The following COL23A1 variants were observed in gnomAD, a reference collection of about 807,000 sequenced individuals.
The protein encoded by COL23A1 is collagen type XXIII alpha 1 chain, also known as collagen alpha-1(XXIII) chain.
COL23A1 carries 97 observed loss-of-function variants against 99.3 expected under a neutral mutation model. That is an observed-to-expected ratio of 0.98 (90% CI 0.83 to 1.16). The LOEUF is 1.16. COL23A1 is among the 50% of genes most tolerant of loss of function. COL23A1 has a pLI of 0.00. For synonymous variants in COL23A1, 320 were observed against 308.2 expected (o/e 1.04, Z -0.40); for missense variants, 762 against 757.4 (o/e 1.01, Z -0.07).
In COL23A1 at chr5:178,331,670, C is replaced by A. The variant is rs566482297; in HGVS notation, c.362-24751G>T. Among the ~76,000 whole-genome samples, 10 of 152,290 alleles carry A rather than the reference C, an allele frequency of 6.6e-5. No homozygotes were observed. The South Asian group carries it at 1.7e-3, about 25-fold the overall frequency. ...TAGGGCGCCTGAGTTTAGACACATG[C>A]GCCTGGCTTCTGGGTTACAGGCAGG... On this transcript the variant is annotated intron_variant, in intron 2 of 28. Coordinates refer to ENST00000390654, the MANE Select transcript of COL23A1 (RefSeq NM_173465.4).
chr5:178,358,425 GTATGTGTA>G (rs1460509903), intron 2 of COL23A1, among the ~76,000 whole-genome samples: 5 of 139,390 alleles, frequency 3.6e-5, no homozygotes, highest in Admixed American at 3.6e-4. Flanking sequence ...GTATGTGTGT[GTATGTGTA>G]TGTGTGTATG....
At chr5:178,346,317 T>A (rs1055992192) in intron 2 of COL23A1, among the ~76,000 whole-genome samples, 4 of 152,202 alleles carry the variant, frequency 2.6e-5, no homozygotes, top group Admixed American at 6.5e-5. Context: ...CACTGCAACC[T>A]CCACCTCCCA....
At position 178,239,130 on chromosome 5, in the gene COL23A1, C is replaced by T. The variant is rs1764258733; in HGVS notation, c.1620+11G>A. 1 of 1,614,026 alleles carries T rather than the reference C, an allele frequency of 6.2e-7. No homozygotes were observed. The highest frequency in any genetic ancestry group is 1.1e-5 in the South Asian group (1 of 91,088). On this transcript the variant is annotated intron_variant, in intron 28 of 28. Coordinates refer to ENST00000390654, the MANE Select transcript of COL23A1 (RefSeq NM_173465.4). The stretch of plus-strand genomic sequence containing the variant: ...TCCCAAGCCTGCCCTGGAGACTTCC[C>T]TGCACGGTACCTTATGCCAGCAGCC...
chr5:178,454,848 C>T (rs1581420491), intron 2 of COL23A1, among the ~76,000 whole-genome samples: 2 of 152,368 alleles, frequency 1.3e-5, no homozygotes, highest in South Asian at 2.1e-4. Context: ...GTGGGTTAAA[C>T]GGCAGGAACT....
chr5:178,354,942 C>T (rs756900991), intron 2 of COL23A1, among the ~76,000 whole-genome samples: 5 of 151,810 alleles, frequency 3.3e-5, no homozygotes, highest in Non-Finnish European at 5.9e-5. Flanking sequence ...CCTGTGGTCC[C>T]AGCTACTCGG....
intron 2 of COL23A1, among the ~76,000 whole-genome samples, chr5:178,331,017 G>T (rs6879500): frequency 6.6e-6 from 1 of 152,200 alleles, no homozygotes; most frequent in Non-Finnish European, 1.5e-5. Flanking sequence ...CTTCTCAGCC[G>T]GATAAACCTC....
chr5:178,491,246 A>T (rs1757919694), intron 2 of COL23A1, among the ~76,000 whole-genome samples: 1 of 152,140 alleles, frequency 6.6e-6, no homozygotes, highest in Admixed American at 6.6e-5. Context: ...CCTGCCCCTC[A>T]TCCTCGTGGC....
intron 2 of COL23A1, among the ~76,000 whole-genome samples, chr5:178,349,219 C>T (rs1293304886): frequency 1.3e-5 from 2 of 152,070 alleles, no homozygotes; most frequent in Non-Finnish European, 2.9e-5. Context: ...AGGTAAAAAC[C>T]AGCAATGAGT....
intron 2 of COL23A1, among the ~76,000 whole-genome samples, chr5:178,382,573 G>C (rs879814597): frequency 7.9e-5 from 12 of 152,154 alleles, no homozygotes; most frequent in East Asian, 1.9e-4. Context: ...TGGCCAGAGT[G>C]GGGGGTGAGG....
intron 2 of COL23A1, among the ~76,000 whole-genome samples, chr5:178,474,026 A>G (rs1216933201): frequency 6.6e-6 from 1 of 152,224 alleles, no homozygotes; most frequent in East Asian, 1.9e-4. Flanking sequence ...GCCACAGGAA[A>G]GCTGACGTCA....
At chr5:178,389,116 G>A (rs1763824112) in intron 2 of COL23A1, among the ~76,000 whole-genome samples, 1 of 151,780 alleles carries the variant, frequency 6.6e-6, no homozygotes, top group Non-Finnish European at 1.5e-5. Context: ...CGCTCCCGTT[G>A]CCTCAGTGTG....
chr5:178,552,777 G>A (rs538296316), intron 2 of COL23A1, among the ~76,000 whole-genome samples: 7 of 151,400 alleles, frequency 4.6e-5, no homozygotes, highest in South Asian at 2.1e-4. Context: ...GCAGTGGTGC[G>A]ATCTTGGCTC....
intron 2 of COL23A1, among the ~76,000 whole-genome samples, chr5:178,514,318 A>G (rs1294113189): frequency 2.0e-5 from 3 of 152,164 alleles, no homozygotes; most frequent in African/African-American, 7.2e-5. Flanking sequence ...TCTTCCATCA[A>G]CGGACACTTG....
chr5:178,463,724 C>T (rs987973440), intron 2 of COL23A1, among the ~76,000 whole-genome samples: 22 of 152,184 alleles, frequency 1.4e-4, no homozygotes, highest in African/African-American at 4.8e-4. Context: ...CCAGCCCTGC[C>T]GCGGTGTAAA....
chr5:178,448,732 A>G (rs193236915), intron 2 of COL23A1, among the ~76,000 whole-genome samples: 6 of 152,086 alleles, frequency 3.9e-5, no homozygotes, highest in East Asian at 1.9e-4. Flanking sequence ...ATTAGGCTCC[A>G]CTTCCGTATA....
intron 2 of COL23A1, among the ~76,000 whole-genome samples, chr5:178,518,426 G>C (rs1229440574): frequency 2.0e-5 from 3 of 150,946 alleles, no homozygotes; most frequent in African/African-American, 2.4e-5. Flanking sequence ...CCTCCCAGAC[G>C]GGGTGGTGGC....
At chr5:178,419,796 C>A (rs1765505261) in intron 2 of COL23A1, among the ~76,000 whole-genome samples, 1 of 152,202 alleles carries the variant, frequency 6.6e-6, no homozygotes, top group African/African-American at 2.4e-5. Flanking sequence ...TGAGTCTTGG[C>A]CAATCCCAGC....
intron 2 of COL23A1, among the ~76,000 whole-genome samples, chr5:178,356,611 G>A (rs1761667287): frequency 6.9e-6 from 1 of 144,260 alleles, no homozygotes; most frequent in African/African-American, 2.5e-5. Context: ...GAGAGAAGGC[G>A]AGACACAGGA....
rs145655457 is a variant in COL23A1 at position 178,491,689 on chromosome 5, T to C, written c.361+68993A>G. 7.8e-3 allele frequency among the ~76,000 whole-genome samples: 1,192 copies of C among 152,134 alleles called. 16 individuals carry two copies. Among genetic ancestry groups the C allele is most frequent in the African/African-American group, 0.025 (1,024 of 41,490 alleles). ...CCCTCGAAAGGTGTTCTGGTGAAAA[T>C]GAAACATCTTGATTTTTTTTTCAAT... On this transcript the variant is annotated intron_variant, in intron 2 of 28. Transcript: ENST00000390654.
Sources: allele counts gnomAD v4.1 joint callset (sites outside exome capture counted in the v4.1 genomes callset), GRCh38; gene constraint gnomAD v4.1.1; transcripts MANE v1.5; gene names NCBI Gene and HGNC (gene_info 2026-07-23, HGNC 2026-07-21).